PTPRZ1: variants seen among roughly 807,000 people sequenced by gnomAD.
PTPRZ1 encodes receptor-type tyrosine-protein phosphatase zeta.
In PTPRZ1, 82 loss-of-function variants were observed where a neutral mutation model predicts 214.1. The observed-to-expected ratio is 0.38, with a 90% CI of 0.32 to 0.46. The LOEUF is 0.46. Ranked by LOEUF, PTPRZ1 falls within the 20% of genes least tolerant of loss-of-function variation. The probability of loss-of-function intolerance (pLI) is 1.00; values close to 1 mark genes in which losing one functional copy is unlikely to be tolerated. For synonymous variants in PTPRZ1, 945 were observed against 987.9 expected (o/e 0.96, Z 0.81); for missense variants, 2,603 against 2,748.7 (o/e 0.95, Z 1.19).
In PTPRZ1 at chr7:121,966,145, T is replaced by C. The variant is rs184298248; in HGVS notation, c.125-1806T>C. Among the ~76,000 whole-genome samples the C allele has an allele frequency of 2.4e-3, 371 of 152,248 alleles. 1 individual carries two copies. Among genetic ancestry groups the C allele is most frequent in the Admixed American group, 7.7e-3 (118 of 15,282 alleles). ...TTACTTCAGGGGATGTCAAAGACTGTGTGGAAGGAGCTTATTTCAGAGCAG... is the reference window on the plus strand; with the variant it reads ...TTACTTCAGGGGATGTCAAAGACTGCGTGGAAGGAGCTTATTTCAGAGCAG... On this transcript the variant is annotated intron_variant, in intron 2 of 29. Transcript: ENST00000393386.
At chr7:121,943,603 G>T (rs1199539607) in intron 2 of PTPRZ1, among the ~76,000 whole-genome samples, 1 of 152,176 alleles carries the variant, frequency 6.6e-6, no homozygotes, top group Non-Finnish European at 1.5e-5. Flanking sequence ...CTCCCAACGT[G>T]CTGGGATTAC....
intron 1 of PTPRZ1, among the ~76,000 whole-genome samples, chr7:121,906,737 T>G (rs1254466784): frequency 6.6e-6 from 1 of 152,056 alleles, no homozygotes; most frequent in African/African-American, 2.4e-5. Context: ...TTAAAGACAT[T>G]CACTGGCTTG....
At chr7:121,919,977 G>GAA (rs199941761) in intron 1 of PTPRZ1, among the ~76,000 whole-genome samples, 1 of 150,854 alleles carries the variant, frequency 6.6e-6, no homozygotes, top group African/African-American at 2.4e-5. Context: ...CATTAATATG[G>GAA]AAAAAAAAAT....
chr7:121,964,533 G>A (rs1260794392), intron 2 of PTPRZ1, among the ~76,000 whole-genome samples: 3 of 152,056 alleles, frequency 2.0e-5, no homozygotes, highest in Non-Finnish European at 4.4e-5. Flanking sequence ...GGATTATGGG[G>A]ACTACAATTC....
chr7:122,009,670 T>G (rs1237312160), intron 11 of PTPRZ1, among the ~76,000 whole-genome samples: 1 of 151,982 alleles, frequency 6.6e-6, no homozygotes, highest in Non-Finnish European at 1.5e-5. Context: ...GCATGGAAGA[T>G]TCAGCCTCCT....
chr7:121,962,098 T>G (rs1003058021), intron 2 of PTPRZ1, among the ~76,000 whole-genome samples: 1 of 152,208 alleles, frequency 6.6e-6, no homozygotes, highest in Non-Finnish European at 1.5e-5. Context: ...CTTTAACCAC[T>G]ATATGAACTG....
chr7:122,055,213 A>C, intron 27 of PTPRZ1, 126 bp downstream of exon 27: 2 of 694,086 alleles, frequency 2.9e-6, no homozygotes, highest in Non-Finnish European at 2.1e-6. Context: ...ACAAATACAC[A>C]AATAATCAAA....
Position 121,940,807 on chromosome 7 carries a change from A to C in PTPRZ1, c.124+12586A>C, listed in dbSNP as rs538197480. On this transcript the variant is annotated intron_variant, in intron 2 of 29. Coordinates refer to ENST00000393386, the MANE Select transcript of PTPRZ1 (RefSeq NM_002851.3). Reference sequence around the variant, plus strand: ...GATTCTCCCCATCACCTGCCAAATGAAAAAAAAAAAAGGGCTCTTTAGCTT... The same window carrying C: ...GATTCTCCCCATCACCTGCCAAATGCAAAAAAAAAAAGGGCTCTTTAGCTT... 1.2e-4 allele frequency among the ~76,000 whole-genome samples: 17 copies of C among 136,898 alleles called. No individual in the cohort carries two copies. The South Asian group carries it at 3.6e-3, about 29-fold the overall frequency. The allele number at this position is 136,898 out of a possible 152,430, so 89.8% of individuals were successfully genotyped here.
chr7:121,880,072 A>G (rs1422485860), intron 1 of PTPRZ1, among the ~76,000 whole-genome samples: 1 of 152,206 alleles, frequency 6.6e-6, no homozygotes, highest in Non-Finnish European at 1.5e-5. Context: ...TTTGTAGTTA[A>G]CAAAATTTTT....
At chr7:121,897,300 A>G (rs183089647) in intron 1 of PTPRZ1, among the ~76,000 whole-genome samples, 12 of 152,274 alleles carry the variant, frequency 7.9e-5, no homozygotes, top group Non-Finnish European at 1.5e-4. Flanking sequence ...ACTCATAATA[A>G]TGGTGGAGAT....
At chr7:121,990,049 A>G (rs368446791) in intron 8 of PTPRZ1, among the ~76,000 whole-genome samples, 31 of 152,076 alleles carry the variant, frequency 2.0e-4, no homozygotes, top group African/African-American at 7.2e-4. Context: ...ATTCCATCAT[A>G]TAGTTATAAC....
At chr7:122,025,406 C>T (rs1353811930) in intron 13 of PTPRZ1, among the ~76,000 whole-genome samples, 3 of 150,770 alleles carry the variant, frequency 2.0e-5, no homozygotes, top group Admixed American at 2.0e-4. Flanking sequence ...CTCAGCTCAC[C>T]GCAACCTCCA....
intron 6 of PTPRZ1, among the ~76,000 whole-genome samples, chr7:121,980,394 TA>T (rs946452156): frequency 6.6e-5 from 10 of 151,546 alleles, no homozygotes; most frequent in Admixed American, 1.3e-4. Context: ...ATTCACAGAT[TA>T]AAAAAAAATA....
At chr7:122,018,887 C>A (rs1378990612) in intron 12 of PTPRZ1, among the ~76,000 whole-genome samples, 1 of 152,078 alleles carries the variant, frequency 6.6e-6, no homozygotes, top group Non-Finnish European at 1.5e-5. Flanking sequence ...CCAAGGCACC[C>A]CTATCTGGGT....
chr7:122,037,248 C>T (rs1321361500), intron 18 of PTPRZ1, among the ~76,000 whole-genome samples: 1 of 148,426 alleles, frequency 6.7e-6, no homozygotes, highest in African/African-American at 2.5e-5. Flanking sequence ...GCACTCCAGC[C>T]TGGGCAACAG....
intron 21 of PTPRZ1, among the ~76,000 whole-genome samples, chr7:122,041,467 TC>T (rs938178114): frequency 2.6e-5 from 4 of 152,168 alleles, no homozygotes; most frequent in African/African-American, 9.6e-5. Flanking sequence ...GGGACCAGAA[TC>T]CCTTTTTCAT....
intron 1 of PTPRZ1, among the ~76,000 whole-genome samples, chr7:121,896,787 A>C (rs1354914408): frequency 6.6e-6 from 1 of 152,058 alleles, no homozygotes; most frequent in Non-Finnish European, 1.5e-5. Context: ...AAAAAAAAAA[A>C]AAGAAACAAG....
intron 12 of PTPRZ1, 100 bp downstream of exon 12, chr7:122,013,989 C>A: frequency 1.0e-6 from 1 of 996,444 alleles, no homozygotes; most frequent in Non-Finnish European, 1.4e-6. Flanking sequence ...TAAAATGGTA[C>A]ATCATCATTT....
intron 1 of PTPRZ1, among the ~76,000 whole-genome samples, chr7:121,916,923 T>C (rs1333052438): frequency 1.3e-5 from 2 of 152,108 alleles, no homozygotes; most frequent in African/African-American, 2.4e-5. Context: ...AATGCAACTA[T>C]TAAATTGAGA....
Sources: allele counts gnomAD v4.1 joint callset (sites outside exome capture counted in the v4.1 genomes callset), GRCh38; gene constraint gnomAD v4.1.1; transcripts MANE v1.5; gene names NCBI Gene and HGNC (gene_info 2026-07-23, HGNC 2026-07-21).